PARP6: variants seen among roughly 807,000 people sequenced by gnomAD.
The protein encoded by PARP6 is poly(ADP-ribose) polymerase family member 6, also known as protein mono-ADP-ribosyltransferase PARP6.
Under a neutral mutation model 92.0 loss-of-function variants are expected in PARP6, and 27 were observed. The observed-to-expected ratio is 0.29, with a 90% confidence interval of 0.22 to 0.40. The LOEUF is 0.40. PARP6 is among the 10% of genes least tolerant of loss of function. PARP6 has a pLI of 1.00. For missense variants in PARP6, 501 were observed against 784.5 expected (o/e 0.64, Z 4.32); for synonymous variants, 272 against 281.2 (o/e 0.97, Z 0.33).
intron 8 of PARP6, among the ~76,000 whole-genome samples, chr15:72,263,520 T>G (rs541251809): frequency 9.2e-5 from 14 of 152,290 alleles, no homozygotes; most frequent in South Asian, 4.1e-4. Flanking sequence ...TCACACTGCC[T>G]AAAGGATAAA....
chr15:72,248,912 A>G (rs2083967957), intron 20 of PARP6, among the ~76,000 whole-genome samples: 1 of 152,258 alleles, frequency 6.6e-6, no homozygotes, highest in Admixed American at 6.5e-5. Context: ...ACTTACATGT[A>G]CAAGTATACA....
At chr15:72,266,627 A>G in intron 4 of PARP6, 118 bp downstream of exon 4, 1 of 765,034 alleles carries the variant, frequency 1.3e-6, no homozygotes, top group East Asian at 2.5e-5. Context: ...CTCAGACCAC[A>G]TCAACATTAT....
At position 72,254,631 on chromosome 15, in the gene PARP6, T is replaced by G. The variant is rs186342559; in HGVS notation, c.1126-111A>C. 4.6e-4 allele frequency: 335 copies of G among 735,540 alleles called. 2 individuals are homozygous for G. In the East Asian group the frequency reaches 5.1e-3, roughly 11 times the overall value. The allele number at this position is 735,540 out of a possible 1,614,324, so 45.6% of individuals were successfully genotyped here. On this transcript the variant is annotated intron_variant, in intron 14 of 23. Coordinates refer to ENST00000569795, the MANE Select transcript of PARP6 (RefSeq NM_001323532.2). ...AAAAAGTCTAGGCCCTAGGAAACAATAGTATGTCATGGAAAGAGCATTAAT... is the reference window on the plus strand; with the variant it reads ...AAAAAGTCTAGGCCCTAGGAAACAAGAGTATGTCATGGAAAGAGCATTAAT...
intron 14 of PARP6, 48 bp from the exon 15 acceptor site, chr15:72,254,568 G>C (rs2084812552): frequency 6.8e-7 from 1 of 1,464,526 alleles, no homozygotes; most frequent in South Asian, 1.1e-5. Flanking sequence ...GAAAAGTAGA[G>C]GAAAGTAAGA....
At chr15:72,263,965 G>A (rs978261734) in intron 8 of PARP6, among the ~76,000 whole-genome samples, 5 of 151,104 alleles carry the variant, frequency 3.3e-5, no homozygotes, top group Admixed American at 6.6e-5. Flanking sequence ...AGAAGTTGCA[G>A]TGAGCCAAGA....
intron 12 of PARP6, 116 bp downstream of exon 12, chr15:72,257,921 T>C (rs894483949): frequency 1.3e-5 from 10 of 747,900 alleles, no homozygotes; most frequent in Non-Finnish European, 2.2e-5. Context: ...ATTTCTAGAG[T>C]ATCAGGGTGT....
Position 72,265,878 on chromosome 15 carries a change from C to T in PARP6, c.176+19G>A, listed in dbSNP as rs2086519998. 1 of 1,552,172 alleles carries T rather than the reference C, an allele frequency of 6.4e-7. No individual in the cohort carries two copies. Among genetic ancestry groups the T allele is most frequent in the Admixed American group, 1.7e-5 (1 of 59,946 alleles). On this transcript the variant is annotated intron_variant, in intron 5 of 23. Transcript: ENST00000569795. ...AAGAAGTGACTTGCTCCCCTGCCAC[C>T]CCTGAAGTAGAGTCCCACCTGATGG...
At chr15:72,265,704 A>C (rs1449846718) in intron 5 of PARP6, among the ~76,000 whole-genome samples, 193 bp downstream of exon 5, 2 of 152,252 alleles carry the variant, frequency 1.3e-5, no homozygotes, top group Non-Finnish European at 2.9e-5. Flanking sequence ...AGAGGGGTCT[A>C]GGATAAGAGG....
At position 72,241,944 on chromosome 15, in the gene PARP6, C is replaced by A. The variant is rs754389702; in HGVS notation, c.1747G>T (p.Val583Leu). The change falls in exon 23 of 24, where the codon GTG becomes TTG. Residue 583 changes from valine (V) to leucine (L), a missense_variant. Coordinates refer to ENST00000569795, the MANE Select transcript of PARP6 (RefSeq NM_001323532.2). The surrounding 1 kb of genome is among the most constrained non-coding windows in gnomAD (Gnocchi z 4.1). ...CAGACATGGTCGGACACAGGGCACA[C>A]CCAGATGTTCCCATGCTTCTGGAGG... Reference protein sequence around the residue: ...KDLQKHGNIWVCPVSDHVCTR... With the variant: ...KDLQKHGNIWLCPVSDHVCTR... 1.2e-6 allele frequency: 2 copies of A among 1,613,760 alleles called. No individual in the cohort carries two copies. The highest frequency in any genetic ancestry group is 1.7e-6 in the Non-Finnish European group (2 of 1,179,646).
intron 8 of PARP6, among the ~76,000 whole-genome samples, chr15:72,262,070 G>T (rs1283657859): frequency 6.6e-6 from 1 of 152,186 alleles, no homozygotes; most frequent in African/African-American, 2.4e-5. Context: ...GTACCACTTT[G>T]TTCCTTGTGA....
chr15:72,241,430 G>T lies in PARP6; in HGVS notation c.*25C>A, dbSNP rs746377361. On this transcript the variant is annotated 3_prime_UTR_variant, in exon 24 of 24. Coordinates refer to ENST00000569795, the MANE Select transcript of PARP6 (RefSeq NM_001323532.2). This position sits in a 1 kb window ranked among gnomAD's most constrained non-coding sequence, Gnocchi z 4.1. ...GGGCAGATGGATCCTGGGGTAACAGGGGTGGTACGAGGGCTGGGGCCCCCT... is the reference window on the plus strand; with the variant it reads ...GGGCAGATGGATCCTGGGGTAACAGTGGTGGTACGAGGGCTGGGGCCCCCT... The T allele has an allele frequency of 1.3e-6, 2 of 1,490,192 alleles. No homozygotes were observed. The highest frequency in any genetic ancestry group is 1.4e-5 in the African/African-American group (1 of 69,928). The allele number at this position is 1,490,192 out of a possible 1,614,324, so 92.3% of individuals were successfully genotyped here. A position where few individuals can be genotyped will look rare whatever the true frequency, so the allele number is the denominator to read the frequency against.
In PARP6 at chr15:72,266,822, C is replaced by T; in HGVS notation, c.4G>A (p.Asp2Asn). 6.2e-7 allele frequency: 1 copy of T among 1,612,036 alleles called. No homozygotes were observed. The change falls in exon 4 of 24, where the codon GAC (aspartate) becomes AAC (asparagine). Residue 2 changes from aspartate to asparagine, a missense_variant and splice_region_variant. Transcript: ENST00000569795. The stretch of plus-strand genomic sequence containing the variant: ...TCATTCCAGAACTGGCCTTTGATGT[C>T]CTAGTGGTGAGAAATAAGGATATCA... M[D>N]IKGQFWNDDD...
Position 72,264,568 on chromosome 15 carries a change from G to C in PARP6, c.382C>G (p.Leu128Val). The change falls in exon 8 of 24, where the codon CTT (leucine) becomes GTT (valine). Residue 128 changes from leucine (L) to valine (V), a missense_variant. By Grantham distance (32) the Leu-to-Val change is conservative. Transcript: ENST00000569795. ...PSNKEGFGLG[L>V]QLKKILGMFT... is the part of the protein sequence containing the mutation. The stretch of plus-strand genomic sequence containing the variant: ...CAAAGTTCTTACTTTTTCAACTGAA[G>C]ACCCAGCCCAAATCCTTCCTTATTT... The C allele has an allele frequency of 6.2e-7, 1 of 1,613,652 alleles. No homozygotes were observed. The highest frequency in any genetic ancestry group is 8.5e-7 in the Non-Finnish European group (1 of 1,179,684).
intron 19 of PARP6, 46 bp downstream of exon 19, chr15:72,249,974 G>C (rs1371077154): frequency 8.0e-7 from 1 of 1,253,902 alleles, no homozygotes; most frequent in Admixed American, 1.7e-5. Flanking sequence ...AAACTGAGTA[G>C]GGAAGGGAGC....
chr15:72,249,305 C>T lies in PARP6; in HGVS notation c.1501G>A (p.Ala501Thr). Residue 501 changes from alanine to threonine, a missense_variant, in exon 20 of 24, where the codon GCA becomes ACA. This residue lies in a region of PARP6 where 191 missense variants were observed against 399.1 expected (regional missense o/e 0.48). Transcript: ENST00000569795. ...ASYTKLQLHG[A>T]AYGKGIYLSP... is the part of the protein sequence containing the mutation. ...AGGTAGATGCCTTTGCCATAGGCTGCTCCATGCAGCTTGCAGGGAAACACC... is the reference window on the plus strand; with the variant it reads ...AGGTAGATGCCTTTGCCATAGGCTGTTCCATGCAGCTTGCAGGGAAACACC... The T allele has an allele frequency of 6.3e-7, 1 of 1,589,516 alleles. No individual in the cohort carries two copies. The highest frequency in any genetic ancestry group is 8.6e-7 in the Non-Finnish European group (1 of 1,160,776).
intron 15 of PARP6, 120 bp from the exon 16 acceptor site, chr15:72,253,624 GA>G: frequency 2.6e-6 from 2 of 777,398 alleles, no homozygotes; most frequent in East Asian, 2.7e-5. Flanking sequence ...CCACACAGAG[GA>G]AAAAGGAGAT....
In PARP6 at chr15:72,249,253, C is replaced by A; in HGVS notation, c.1553G>T (p.Gly518Val). The A allele has an allele frequency of 6.3e-7, 1 of 1,595,338 alleles. No individual in the cohort carries two copies. The highest frequency in any genetic ancestry group is 8.6e-7 in the Non-Finnish European group (1 of 1,164,652). ...YLSPISSISFGYSGMGKGQHR... is the reference protein window; with the variant it reads ...YLSPISSISFVYSGMGKGQHR... ...CACAGAATATTTCTTACCTGAGTAT[C>A]CAAAGGAAATACTGGAGATGGGGCT... Residue 518 changes from glycine to valine, a missense_variant, in exon 20 of 24, where the codon GGA becomes GTA. Coordinates refer to ENST00000569795, the MANE Select transcript of PARP6 (RefSeq NM_001323532.2).
At chr15:72,254,365 A>T (rs1299065777) in intron 15 of PARP6, 90 bp downstream of exon 15, 4 of 910,008 alleles carry the variant, frequency 4.4e-6, no homozygotes, top group Non-Finnish European at 5.4e-6. Context: ...AGCATCTCTA[A>T]ATCTTCATCC....
intron 20 of PARP6, chr15:72,243,043 A>C: frequency 3.9e-6 from 1 of 255,146 alleles, no homozygotes; most frequent in Non-Finnish European, 7.5e-6. Context: ...GTCTGGGAAG[A>C]AGTAATAGGA....
Sources: allele counts gnomAD v4.1 joint callset (sites outside exome capture counted in the v4.1 genomes callset), GRCh38; gene constraint gnomAD v4.1.1; regional missense constraint gnomAD v4.1.1; non-coding constraint Gnocchi (gnomAD v3.1); transcripts MANE v1.5; gene names NCBI Gene and HGNC (gene_info 2026-07-23, HGNC 2026-07-21).